EAF1: variants seen among roughly 807,000 people sequenced by gnomAD.
EAF1 encodes the protein ELL associated factor 1, also known as ELL-associated factor 1.
Under a neutral mutation model 26.6 loss-of-function variants are expected in EAF1, and 19 were observed. The ratio of observed to expected loss-of-function variants is 0.71; its 90% CI spans 0.50 to 1.05. EAF1 has a LOEUF of 1.05. Ranked by LOEUF, EAF1 falls within the 50% of genes least tolerant of loss-of-function variation. EAF1 has a pLI of 0.00. For synonymous variants in EAF1, 102 were observed against 120.6 expected, an observed-to-expected ratio of 0.85 and a Z score of 1.01; for missense variants, 260 against 335.5, an observed-to-expected ratio of 0.78 and a Z score of 1.76.
At chr3:15,429,154 C>T (rs1024979843) in intron 1 of EAF1, among the ~76,000 whole-genome samples, 4 of 152,128 alleles carry the variant, frequency 2.6e-5, no homozygotes, top group African/African-American at 9.7e-5. Flanking sequence ...GGATAACTTG[C>T]GGAGATACAG....
intron 4 of EAF1, 97 bp downstream of exon 4, chr3:15,434,635 G>A: frequency 7.0e-7 from 1 of 1,419,264 alleles, no homozygotes; most frequent in Non-Finnish European, 9.7e-7. Flanking sequence ...ACAGTGGCTG[G>A]GGCATTCAAT....
chr3:15,432,150 CTTA>C lies in EAF1; in HGVS notation c.269_271del (p.Ile90del). The C allele has an allele frequency of 1.2e-6, 2 of 1,614,120 alleles. No homozygotes were observed. Among genetic ancestry groups the C allele is most frequent in the Non-Finnish European group, 1.7e-6 (2 of 1,180,012 alleles). ...ACGGCCTTACCAGAAAGACTGTGTGCTTATTATTAATCATGACACTGGTGAATA... is the reference window on the plus strand; with the variant it reads ...ACGGCCTTACCAGAAAGACTGTGTGCTTATTAATCATGACACTGGTGAATA... On this transcript the variant is annotated inframe_deletion, in exon 3 of 6. Coordinates refer to ENST00000396842, the MANE Select transcript of EAF1 (RefSeq NM_033083.7).
chr3:15,434,302 A>G (rs1424464402), intron 3 of EAF1, 46 bp from the exon 4 acceptor site: 1 of 1,594,702 alleles, frequency 6.3e-7, no homozygotes, highest in Non-Finnish European at 8.6e-7. Context: ...AAATTTGAGA[A>G]CCACTATTTT....
rs1160147254 is a variant in EAF1 at position 15,434,410 on chromosome 3, C to T, written c.398C>T (p.Thr133Met). 7 of 1,614,228 alleles carry T rather than the reference C, an allele frequency of 4.3e-6. No individual in the cohort carries two copies. The highest frequency in any genetic ancestry group is 3.3e-5 in the South Asian group (3 of 91,086). The change falls in exon 4 of 6, where the codon ACG becomes ATG. Residue 133 changes from threonine (T) to methionine (M), a missense_variant. Coordinates refer to ENST00000396842, the MANE Select transcript of EAF1 (RefSeq NM_033083.7). ...CAGCAGCCCACTCGTCCTCCACAGA[C>T]GTCACAGCCACCACCACCTCCACCA... The part of the protein sequence containing the change: ...MEQQPTRPPQ[T>M]SQPPPPPPPM...
chr3:15,428,929 A>G (rs1210081887), intron 1 of EAF1, among the ~76,000 whole-genome samples: 1 of 152,258 alleles, frequency 6.6e-6, no homozygotes, highest in East Asian at 1.9e-4. Context: ...TACTGACAGC[A>G]GATCCAGCTC....
chr3:15,437,355 A>G (rs2061842200), intron 5 of EAF1, among the ~76,000 whole-genome samples: 1 of 137,774 alleles, frequency 7.3e-6, no homozygotes, highest in Non-Finnish European at 1.5e-5. Context: ...GTTTCGCCAC[A>G]TTGCCCAGGC....
At chr3:15,431,180 C>A (rs1241308812) in intron 2 of EAF1, among the ~76,000 whole-genome samples, 1 of 152,208 alleles carries the variant, frequency 6.6e-6, no homozygotes, top group Non-Finnish European at 1.5e-5. Flanking sequence ...AAATGCCTCC[C>A]ACACATTGGC....
chr3:15,435,138 G>T (rs2061827557), intron 4 of EAF1, among the ~76,000 whole-genome samples: 1 of 152,186 alleles, frequency 6.6e-6, no homozygotes, highest in Non-Finnish European at 1.5e-5. Flanking sequence ...CAAATGTCCT[G>T]TGCTAACACA....
At chr3:15,434,251 T>A (rs2061820762) in intron 3 of EAF1, 97 bp from the exon 4 acceptor site, 1 of 1,378,762 alleles carries the variant, frequency 7.3e-7, no homozygotes, top group Non-Finnish European at 1.0e-6. Context: ...GGAAAGAACA[T>A]GGGGTTCTAC....
intron 1 of EAF1, among the ~76,000 whole-genome samples, chr3:15,429,270 T>A (rs1332504248): frequency 6.6e-6 from 1 of 151,734 alleles, no homozygotes; most frequent in East Asian, 1.9e-4. Context: ...GAGGCCGAGG[T>A]CGACAGATAG....
intron 1 of EAF1, 130 bp from the exon 2 acceptor site, chr3:15,429,783 T>C (rs1006144714): frequency 1.3e-5 from 9 of 680,118 alleles, no homozygotes; most frequent in Admixed American, 8.2e-5. Context: ...GAAACAGTTT[T>C]TTAAGAATTC....
intron 3 of EAF1, chr3:15,433,217 G>A (rs1001464489): frequency 3.7e-5 from 5 of 135,512 alleles, no homozygotes; most frequent in Admixed American, 1.7e-4. Context: ...AAGTGAGTAC[G>A]AAAGGTGCTA....
rs3067737 is a variant in EAF1, at chr3:15,442,208, G to GGTGTGTGTGTGTGTGTGTGTGT, written c.*3060_*3081dup. On this transcript the variant is annotated 3_prime_UTR_variant, in exon 6 of 6. Transcript: ENST00000396842. ...CCTATTTGAGAGGCTGGTTCAGCAG[G>GGTGTGTGTGTGTGTGTGTGTGT]GTGTGTGTGTGTGTGTGTGTGTGTG... is the stretch of plus-strand genomic sequence containing the variant. 3.4e-5 allele frequency: 5 copies of GGTGTGTGTGTGTGTGTGTGTGT among 148,120 alleles called. No individual in the cohort carries two copies. Among genetic ancestry groups the GGTGTGTGTGTGTGTGTGTGTGT allele is most frequent in the African/African-American group, 1.2e-4 (5 of 40,472 alleles). The allele number at this position is 148,120 out of a possible 1,614,324, so 9.2% of individuals were successfully genotyped here.
chr3:15,430,089 C>T, intron 2 of EAF1, 82 bp downstream of exon 2: 4 of 1,067,060 alleles, frequency 3.7e-6, no homozygotes, highest in East Asian at 2.8e-5. Context: ...AAACTTCCTA[C>T]TTTTAAAAAT....
chr3:15,432,884 A>T (rs2125065513), intron 3 of EAF1, among the ~76,000 whole-genome samples: 1 of 151,946 alleles, frequency 6.6e-6, no homozygotes, highest in South Asian at 2.1e-4. Flanking sequence ...TACAGTAATT[A>T]TTATAATACA....
rs183185940 is a variant in EAF1, at chr3:15,434,281, G to A, written c.336-67G>A. ...TTCTACAGAGACTTCTGAGTTTTCA[G>A]TCACCTGGACAAATTTGAGAACCAC... On this transcript the variant is annotated intron_variant, in intron 3 of 5. Coordinates refer to ENST00000396842, the MANE Select transcript of EAF1 (RefSeq NM_033083.7). 6.6e-5 allele frequency: 103 copies of A among 1,569,020 alleles called. 1 individual carries two copies. The Admixed American group carries it at 1.8e-3, about 27-fold the overall frequency.
At position 15,429,741 on chromosome 3, in the gene EAF1, T is replaced by C. The variant is rs1239340198; in HGVS notation, c.104-172T>C. Reference sequence around the variant, plus strand: ...TACCAGGTCTCATTGTACGATTCTCTCTACTTTTGTGTATCTGAAGTTTTC... The same window carrying C: ...TACCAGGTCTCATTGTACGATTCTCCCTACTTTTGTGTATCTGAAGTTTTC... On this transcript the variant is annotated intron_variant, in intron 1 of 5. Coordinates refer to ENST00000396842, the MANE Select transcript of EAF1 (RefSeq NM_033083.7). Among the ~76,000 whole-genome samples the C allele has an allele frequency of 3.9e-5, 6 of 152,374 alleles. No homozygotes were observed. In the East Asian group the frequency reaches 1.2e-3, roughly 29 times the overall value.
rs2061759635 is a variant in EAF1, at chr3:15,427,639, C to A, written c.-141C>A. The A allele has an allele frequency of 1.2e-6, 1 of 823,210 alleles. No homozygotes were observed. Among genetic ancestry groups the A allele is most frequent in the Non-Finnish European group, 2.0e-6 (1 of 511,080 alleles). 51.0% of individuals were successfully genotyped at this position (823,210 alleles called of 1,614,324 possible). ...CAGAGGAGAGAACTTGCTTCTGGAC[C>A]CGGGTGGGTGCCGGCTCGGCTCTCC... On this transcript the variant is annotated 5_prime_UTR_variant, in exon 1 of 6. Transcript: ENST00000396842.
intron 5 of EAF1, among the ~76,000 whole-genome samples, chr3:15,437,706 G>C (rs1402332892): frequency 6.6e-6 from 1 of 152,176 alleles, no homozygotes; most frequent in Non-Finnish European, 1.5e-5. Context: ...GAACCCTGAT[G>C]AATGTTCTCT....
Sources: gnomAD v4.1 joint callset for allele counts (sites outside exome capture counted in the v4.1 genomes callset) on GRCh38, gnomAD v4.1.1 for gene constraint, MANE v1.5 for transcripts, NCBI Gene and HGNC (gene_info 2026-07-23, HGNC 2026-07-21) for gene names.